Variants in NAA20 observed in about 807,000 individuals in gnomAD.
The protein encoded by NAA20 is N-alpha-acetyltransferase 20.
Under a neutral mutation model 23.8 loss-of-function variants are expected in NAA20, and 24 were observed. The observed-to-expected ratio is 1.01, with a 90% confidence interval of 0.73 to 1.42. NAA20 has a LOEUF of 1.42. Ranked by LOEUF, NAA20 falls within the 40% of genes most tolerant of loss-of-function variation. NAA20 has a pLI of 0.00. For synonymous variants in NAA20, 83 were observed against 77.7 expected (o/e 1.07, Z -0.36); for missense variants, 166 against 223.1 (o/e 0.74, Z 1.63).
chr20:20,031,906 G>A (rs2043346237), intron 4 of NAA20, among the ~76,000 whole-genome samples: 1 of 152,198 alleles, frequency 6.6e-6, no homozygotes, highest in Non-Finnish European at 1.5e-5. Flanking sequence ...ACTCACTTCT[G>A]TGCAAGAGTA....
chr20:20,026,396 T>G (rs1447591633), intron 3 of NAA20, among the ~76,000 whole-genome samples: 1 of 152,184 alleles, frequency 6.6e-6, no homozygotes, highest in Admixed American at 6.5e-5. Context: ...GCATCCTCAT[T>G]GAATTAGCAT....
At chr20:20,018,868 G>A in intron 1 of NAA20, 9 of 985,384 alleles carry the variant, frequency 9.1e-6, no homozygotes, top group Non-Finnish European at 1.1e-5. Flanking sequence ...AATTGGCCCA[G>A]GTGAGAATGA....
intron 3 of NAA20, among the ~76,000 whole-genome samples, chr20:20,025,995 T>TAAA (rs34483428): frequency 2.1e-5 from 3 of 145,438 alleles, no homozygotes; most frequent in African/African-American, 7.5e-5. Context: ...TCTTTCATTC[T>TAAA]AAAAAAAAAA....
chr20:20,023,571 A>G (rs1291875717), intron 2 of NAA20, among the ~76,000 whole-genome samples: 4 of 152,236 alleles, frequency 2.6e-5, no homozygotes, highest in Non-Finnish European at 5.9e-5. Flanking sequence ...GCTGTAACAG[A>G]TAACCCCACA....
At position 20,023,265 on chromosome 20, in the gene NAA20, C is replaced by T. The variant is rs138398497; in HGVS notation, c.78+785C>T. Among the ~76,000 whole-genome samples, 597 of 150,676 alleles carry T rather than the reference C, an allele frequency of 4.0e-3. 2 individuals carry two copies. Among genetic ancestry groups the T allele is most frequent in the African/African-American group, 0.013 (534 of 41,006 alleles). Reference sequence around the variant, plus strand: ...CCGAGGTTGCAGTGAGCCGAGATCGCGCCACTGCACTCCAGCCTGGGCTAC... The same window carrying T: ...CCGAGGTTGCAGTGAGCCGAGATCGTGCCACTGCACTCCAGCCTGGGCTAC... On this transcript the variant is annotated intron_variant, in intron 2 of 5. Transcript: ENST00000334982.
chr20:20,018,388 A>G (rs1231475313), intron 1 of NAA20: 1 of 303,796 alleles, frequency 3.3e-6, no homozygotes, highest in East Asian at 6.1e-5. Context: ...AAAAAACAAC[A>G]GGGCGGTATG....
chr20:20,029,888 TTTGTTTTG>T (rs1419693195), intron 4 of NAA20, among the ~76,000 whole-genome samples: 1 of 144,702 alleles, frequency 6.9e-6, no homozygotes, highest in African/African-American at 2.9e-5. Flanking sequence ...AGTTTTTTGT[TTTGTTTTG>T]TTTTGTTTTG....
In NAA20 at chr20:20,026,636, CACTA is replaced by C. The variant is rs560030271; in HGVS notation, c.170-144_170-141del. On this transcript the variant is annotated intron_variant, in intron 3 of 5. Coordinates refer to ENST00000334982, the MANE Select transcript of NAA20 (RefSeq NM_016100.5). ...TTTACAAGTGAATTTCAAATAAAAG[CACTA>C]ACTGTTAGCTGGATGACCTCAGGTG... 1,526 of 757,500 alleles carry C rather than the reference CACTA, an allele frequency of 2.0e-3. 2 individuals are homozygous for C. Among genetic ancestry groups the C allele is most frequent in the Non-Finnish European group, 2.9e-3 (1,363 of 476,794 alleles). 46.9% of individuals were successfully genotyped at this position (757,500 alleles called of 1,614,324 possible).
intron 1 of NAA20, among the ~76,000 whole-genome samples, chr20:20,019,394 C>T (rs2043252933): frequency 6.6e-6 from 1 of 152,000 alleles, no homozygotes; most frequent in Non-Finnish European, 1.5e-5. Context: ...TGACAGGGTG[C>T]CTTGAAGCTT....
chr20:20,032,974 T>C (rs1365658616), intron 5 of NAA20, 128 bp from the exon 6 acceptor site: 1 of 763,514 alleles, frequency 1.3e-6, no homozygotes, highest in Non-Finnish European at 2.1e-6. Flanking sequence ...CATTTATAAA[T>C]ACATTTTGCT....
At chr20:20,026,333 T>C (rs571955885) in intron 3 of NAA20, among the ~76,000 whole-genome samples, 2 of 152,034 alleles carry the variant, frequency 1.3e-5, no homozygotes, top group South Asian at 4.1e-4. Flanking sequence ...TTTCATTCTA[T>C]ACTTTTGTTA....
chr20:20,032,618 C>T lies in NAA20; in HGVS notation c.416C>T (p.Ser139Leu). Residue 139 changes from serine (S) to leucine (L), a missense_variant, in exon 5 of 6, where the codon TCG becomes TTG. Physicochemically the swap from Ser to Leu is moderately radical, Grantham distance 145. Transcript: ENST00000334982. ...SVYRTVIEYY[S>L]ASNGEPDEDA... The stretch of plus-strand genomic sequence containing the variant: ...TATAGGACGGTCATAGAGTACTATT[C>T]GGCCAGCAACGGGGAGCCTGATGAG... 6.2e-7 allele frequency: 1 copy of T among 1,607,620 alleles called. No homozygotes were observed. The highest frequency in any genetic ancestry group is 1.3e-5 in the African/African-American group (1 of 74,902).
intron 4 of NAA20, among the ~76,000 whole-genome samples, chr20:20,031,351 G>A (rs899313937): frequency 3.3e-5 from 5 of 152,232 alleles, no homozygotes; most frequent in South Asian, 2.1e-4. Context: ...AGACTTTTCA[G>A]TAAAGGTGGT....
At chr20:20,023,113 G>C (rs929351968) in intron 2 of NAA20, among the ~76,000 whole-genome samples, 1 of 152,018 alleles carries the variant, frequency 6.6e-6, no homozygotes, top group Non-Finnish European at 1.5e-5. Context: ...GTGAAACCCC[G>C]TCCGTCTCTA....
At chr20:20,026,509 T>C (rs1253507015) in intron 3 of NAA20, among the ~76,000 whole-genome samples, 1 of 128,286 alleles carries the variant, frequency 7.8e-6, no homozygotes, top group Non-Finnish European at 1.8e-5. Context: ...ATACATACTC[T>C]GGTTTTTTTT....
At chr20:20,032,735 A>G in intron 5 of NAA20, 82 bp downstream of exon 5, 2 of 1,442,696 alleles carry the variant, frequency 1.4e-6, no homozygotes, top group South Asian at 1.6e-5. Flanking sequence ...TGATTATTTT[A>G]ATAAATGTAG....
At chr20:20,028,707 T>G (rs982308311) in intron 4 of NAA20, among the ~76,000 whole-genome samples, 1 of 152,140 alleles carries the variant, frequency 6.6e-6, no homozygotes, top group Admixed American at 6.5e-5. Flanking sequence ...CATATGCTTA[T>G]ATACACTATA....
In NAA20 at chr20:20,032,211, G is replaced by A. The variant is rs1325784961; in HGVS notation, c.306-297G>A. ...ATAAACTTCATAAACAGGAGAAACT[G>A]TAATAGGTGGTGAATTTGTAGAACA... On this transcript the variant is annotated intron_variant, in intron 4 of 5. Coordinates refer to ENST00000334982, the MANE Select transcript of NAA20 (RefSeq NM_016100.5). 2.0e-5 allele frequency among the ~76,000 whole-genome samples: 3 copies of A among 151,846 alleles called. 1 individual carries two copies. The highest frequency in any genetic ancestry group is 7.3e-5 in the African/African-American group (3 of 41,124).
chr20:20,023,820 T>G (rs1488749026), intron 2 of NAA20, among the ~76,000 whole-genome samples: 1 of 152,250 alleles, frequency 6.6e-6, no homozygotes, highest in African/African-American at 2.4e-5. Flanking sequence ...GTGCTGATGA[T>G]GGTGAGGTGA....
Sources: allele counts gnomAD v4.1 joint callset (sites outside exome capture counted in the v4.1 genomes callset), GRCh38; gene constraint gnomAD v4.1.1; transcripts MANE v1.5; gene names NCBI Gene and HGNC (gene_info 2026-07-23, HGNC 2026-07-21).